Variants in NR6A1 observed in about 807,000 individuals in gnomAD.
NR6A1 encodes retinoic acid receptor-related testis-associated receptor.
A neutral mutation model predicts 59.1 loss-of-function variants in NR6A1; 7 were observed. The observed-to-expected ratio is 0.12, with a 90% CI of 0.07 to 0.22. The LOEUF (loss-of-function observed/expected upper bound fraction) is 0.22. NR6A1 is among the 10% of genes least tolerant of loss of function. The probability of loss-of-function intolerance (pLI) is 1.00; values close to 1 mark genes in which losing one functional copy is unlikely to be tolerated. For missense variants in NR6A1, 468 were observed against 611.6 expected (o/e 0.77, Z 2.48); for synonymous variants, 243 against 236.1 (o/e 1.03, Z -0.27).
chr9:124,748,213 A>G (rs1357412080), intron 1 of NR6A1, among the ~76,000 whole-genome samples: 1 of 151,954 alleles, frequency 6.6e-6, no homozygotes, highest in Non-Finnish European at 1.5e-5. Context: ...TAAGTGATCT[A>G]CTCCCTCTGT....
intron 2 of NR6A1, among the ~76,000 whole-genome samples, chr9:124,569,912 A>G (rs1834388262): frequency 6.6e-6 from 1 of 152,220 alleles, no homozygotes. Flanking sequence ...AAAACAAGTG[A>G]GCAATTTACA....
At chr9:124,672,708 G>A (rs1837832947) in intron 2 of NR6A1, among the ~76,000 whole-genome samples, 1 of 152,140 alleles carries the variant, frequency 6.6e-6, no homozygotes, top group African/African-American at 2.4e-5. Flanking sequence ...TCTGCCAACA[G>A]AATTTGAGTG....
rs202190994 is a variant in NR6A1 at position 124,599,854 on chromosome 9, G to GT, written c.143-45285dup. On this transcript the variant is annotated intron_variant, in intron 2 of 9. Coordinates refer to ENST00000487099, the MANE Select transcript of NR6A1 (RefSeq NM_033334.4). ...TCCTCCATTTCTTCCACTAAACCAC[G>GT]TATCTTGAGGACAGGAAAAGGCAAA... Among the ~76,000 whole-genome samples the GT allele has an allele frequency of 9.6e-3, 1,464 of 152,274 alleles. 13 individuals carry two copies. The highest frequency in any genetic ancestry group is 0.044 in the Middle Eastern group (13 of 294).
At chr9:124,743,592 T>C (rs1379192337) in intron 1 of NR6A1, among the ~76,000 whole-genome samples, 4 of 152,186 alleles carry the variant, frequency 2.6e-5, no homozygotes, top group Non-Finnish European at 5.9e-5. Flanking sequence ...TTTCATATAG[T>C]TTTTCCGGCT....
intron 1 of NR6A1, among the ~76,000 whole-genome samples, chr9:124,742,326 G>A (rs1840193264): frequency 2.0e-5 from 3 of 152,208 alleles, no homozygotes; most frequent in African/African-American, 7.2e-5. Flanking sequence ...ACTTTGGAAG[G>A]CCGAGGTGGG....
At chr9:124,612,288 T>C (rs1835770645) in intron 2 of NR6A1, among the ~76,000 whole-genome samples, 1 of 152,078 alleles carries the variant, frequency 6.6e-6, no homozygotes, top group South Asian at 2.1e-4. Flanking sequence ...CAACCTTCAT[T>C]TGGAACAAAA....
intron 1 of NR6A1, among the ~76,000 whole-genome samples, chr9:124,767,051 T>C (rs1368807027): frequency 6.6e-6 from 1 of 152,180 alleles, no homozygotes; most frequent in African/African-American, 2.4e-5. Flanking sequence ...CAGCAACAGT[T>C]GGCATTTCTA....
chr9:124,596,051 T>G (rs1835262287), intron 2 of NR6A1, among the ~76,000 whole-genome samples: 1 of 152,236 alleles, frequency 6.6e-6, no homozygotes, highest in African/African-American at 2.4e-5. Context: ...CACGTCTTTC[T>G]GAAAACTATT....
chr9:124,608,314 C>T (rs1162086807), intron 2 of NR6A1, among the ~76,000 whole-genome samples: 1 of 151,872 alleles, frequency 6.6e-6, no homozygotes, highest in Non-Finnish European at 1.5e-5. Context: ...CCCAACAGGC[C>T]CCAGTGTGTG....
At chr9:124,540,732 T>C (rs1833417499) in intron 4 of NR6A1, among the ~76,000 whole-genome samples, 2 of 152,060 alleles carry the variant, frequency 1.3e-5, no homozygotes, top group African/African-American at 4.8e-5. Context: ...GCTCAGAAGA[T>C]TGAGGCTGTA....
chr9:124,526,761 C>G lies in NR6A1; in HGVS notation c.1201+18G>C. The G allele has an allele frequency of 3.1e-6, 5 of 1,612,112 alleles. No individual in the cohort carries two copies. Among genetic ancestry groups the G allele is most frequent in the South Asian group, 1.1e-5 (1 of 90,962 alleles). On this transcript the variant is annotated intron_variant, in intron 8 of 9. Coordinates refer to ENST00000487099, the MANE Select transcript of NR6A1 (RefSeq NM_033334.4). ...CTCCCGCACTGCAAACGTCCCTTTTCCCACCCCAGCCACTCACCTTGATTT... is the reference window on the plus strand; with the variant it reads ...CTCCCGCACTGCAAACGTCCCTTTTGCCACCCCAGCCACTCACCTTGATTT...
At chr9:124,619,628 A>G (rs1440157287) in intron 2 of NR6A1, among the ~76,000 whole-genome samples, 1 of 152,150 alleles carries the variant, frequency 6.6e-6, no homozygotes, top group African/African-American at 2.4e-5. Context: ...TATACATCAG[A>G]CTGCCCAGGT....
intron 2 of NR6A1, among the ~76,000 whole-genome samples, chr9:124,634,763 A>G (rs967561906): frequency 6.6e-6 from 1 of 152,142 alleles, no homozygotes; most frequent in African/African-American, 2.4e-5. Flanking sequence ...CGGAGTTTGC[A>G]ATGAGCCGAG....
chr9:124,558,508 T>C (rs1322675186), intron 2 of NR6A1, among the ~76,000 whole-genome samples: 4 of 152,054 alleles, frequency 2.6e-5, no homozygotes, highest in Non-Finnish European at 4.4e-5. Flanking sequence ...GGAAAACTTC[T>C]CTCCCAGTAT....
intron 2 of NR6A1, among the ~76,000 whole-genome samples, chr9:124,559,145 A>G (rs1172584184): frequency 5.3e-5 from 8 of 152,182 alleles, no homozygotes; most frequent in Non-Finnish European, 1.2e-4. Context: ...TTCGAGACAT[A>G]TTATTCCTAT....
intron 2 of NR6A1, among the ~76,000 whole-genome samples, chr9:124,693,987 G>T (rs1368041686): frequency 6.6e-6 from 1 of 152,080 alleles, no homozygotes; most frequent in Non-Finnish European, 1.5e-5. Context: ...TTAAGGAAAT[G>T]ATATTTTATA....
At chr9:124,705,209 G>A (rs1839087774) in intron 2 of NR6A1, among the ~76,000 whole-genome samples, 1 of 152,090 alleles carries the variant, frequency 6.6e-6, no homozygotes. Flanking sequence ...CAAGTTCACT[G>A]ATAGTGCTGA....
In NR6A1 at chr9:124,522,720, A is replaced by G. The variant is rs1288965806; in HGVS notation, c.1428T>C (p.Ser476=). Residue 476 remains serine (S), a synonymous_variant, in exon 10 of 10, where the codon AGT becomes AGC. Transcript: ENST00000487099. ...CTGGAACAGGTCATTCCTTGCCCACACTGGTCTTGCAGGAATGCAGCACCA... is the reference window on the plus strand; with the variant it reads ...CTGGAACAGGTCATTCCTTGCCCACGCTGGTCTTGCAGGAATGCAGCACCA... ...FKVVLHSCKT[S]VGKE is the part of the protein sequence containing the mutation. 7 of 1,583,372 alleles carry G rather than the reference A, an allele frequency of 4.4e-6. No individual in the cohort carries two copies. In the Admixed American group the frequency reaches 5.3e-5, roughly 12 times the overall value.
At chr9:124,563,912 C>T (rs1332624136) in intron 2 of NR6A1, among the ~76,000 whole-genome samples, 4 of 151,984 alleles carry the variant, frequency 2.6e-5, no homozygotes, top group Non-Finnish European at 5.9e-5. Flanking sequence ...CCCATCCCTA[C>T]GAAAAATAAA....
Sources: gnomAD v4.1 joint callset for allele counts (sites outside exome capture counted in the v4.1 genomes callset) on GRCh38, gnomAD v4.1.1 for gene constraint, MANE v1.5 for transcripts, NCBI Gene and HGNC (gene_info 2026-07-23, HGNC 2026-07-21) for gene names.